The following ABTB2 variants were observed in gnomAD, a reference collection of about 807,000 sequenced individuals.
ABTB2 encodes ankyrin repeat and BTB domain containing 2.
A neutral mutation model predicts 104.1 loss-of-function variants in ABTB2; 56 were observed. The ratio of observed to expected loss-of-function variants is 0.54; its 90% confidence interval spans 0.43 to 0.67. ABTB2 has a LOEUF of 0.67. Ranked by LOEUF, ABTB2 falls within the 30% of genes least tolerant of loss-of-function variation. ABTB2 has a pLI of 0.00. For synonymous variants in ABTB2, 606 were observed against 608.2 expected (o/e 1.00, Z 0.05); for missense variants, 1,279 against 1,407.7 (o/e 0.91, Z 1.46).
At chr11:34,263,894 G>A (rs1234630316) in intron 1 of ABTB2, among the ~76,000 whole-genome samples, 1 of 152,174 alleles carries the variant, frequency 6.6e-6, no homozygotes, top group Admixed American at 6.5e-5. Context: ...GCAATTTGTG[G>A]CACGGGAGGG....
chr11:34,297,796 G>GAAAAAAAAAACCAAAT (rs1554923796), intron 1 of ABTB2, among the ~76,000 whole-genome samples: 1 of 123,072 alleles, frequency 8.1e-6, no homozygotes, highest in Non-Finnish European at 1.7e-5. Context: ...AAAAATAAAG[G>GAAAAAAAAAACCAAAT]AAAGAAAAAG....
chr11:34,279,517 G>A (rs2133085800), intron 1 of ABTB2, among the ~76,000 whole-genome samples: 1 of 152,328 alleles, frequency 6.6e-6, no homozygotes, highest in Admixed American at 6.5e-5. Flanking sequence ...TAGGGGCAAA[G>A]CCAGAATCTG....
chr11:34,159,656 G>A (rs1460075879), intron 13 of ABTB2, among the ~76,000 whole-genome samples: 1 of 152,198 alleles, frequency 6.6e-6, no homozygotes, highest in Non-Finnish European at 1.5e-5. Context: ...GGATATTTAT[G>A]TTTTCTAATA....
At chr11:34,240,354 G>C (rs1177843254) in intron 1 of ABTB2, among the ~76,000 whole-genome samples, 1 of 152,166 alleles carries the variant, frequency 6.6e-6, no homozygotes, top group South Asian at 2.1e-4. Context: ...AGGGAGTCTC[G>C]AGCGATCCAC....
At chr11:34,345,225 T>A (rs996798155) in intron 1 of ABTB2, among the ~76,000 whole-genome samples, 1 of 152,104 alleles carries the variant, frequency 6.6e-6, no homozygotes, top group African/African-American at 2.4e-5. Flanking sequence ...CCTGCTACAC[T>A]CGCCCCAGCC....
intron 3 of ABTB2, among the ~76,000 whole-genome samples, chr11:34,180,235 C>T (rs972885784): frequency 6.6e-6 from 1 of 152,198 alleles, no homozygotes; most frequent in African/African-American, 2.4e-5. Context: ...ACAGAGAAAA[C>T]AAATGCAACC....
At chr11:34,181,206 G>A (rs1853021054) in intron 3 of ABTB2, among the ~76,000 whole-genome samples, 2 of 151,856 alleles carry the variant, frequency 1.3e-5, no homozygotes. Context: ...CCCAGCCAAG[G>A]CCTTGGTTTT....
rs146982669 is a variant in ABTB2, at chr11:34,194,020, A to G, written c.1244+3305T>C. Among the ~76,000 whole-genome samples the G allele has an allele frequency of 2.4e-3, 362 of 152,312 alleles. 6 individuals carry two copies. The highest frequency in any genetic ancestry group is 0.022 in the Admixed American group (343 of 15,302). On this transcript the variant is annotated intron_variant, in intron 3 of 16. Coordinates refer to ENST00000435224, the MANE Select transcript of ABTB2 (RefSeq NM_145804.3). Reference sequence around the variant, plus strand: ...GAAGCAGCAGGTGGCTTAGCAGGGAATGCCACAGTGAGCTCCACACAAAAG... The same window carrying G: ...GAAGCAGCAGGTGGCTTAGCAGGGAGTGCCACAGTGAGCTCCACACAAAAG...
At chr11:34,161,258 A>G (rs1852717764) in intron 10 of ABTB2, among the ~76,000 whole-genome samples, 177 bp from the exon 11 acceptor site, 1 of 133,418 alleles carries the variant, frequency 7.5e-6, no homozygotes, top group Admixed American at 8.0e-5. Context: ...CAGGATGGCC[A>G]TAGAATGAAA....
intron 1 of ABTB2, among the ~76,000 whole-genome samples, chr11:34,247,334 G>C (rs901595004): frequency 6.6e-6 from 1 of 152,232 alleles, no homozygotes; most frequent in African/African-American, 2.4e-5. Flanking sequence ...TGACTTTACA[G>C]TGGTGGGAAA....
chr11:34,171,103 CTGTA>C, intron 4 of ABTB2, 32 bp from the exon 5 acceptor site: 2 of 1,605,222 alleles, frequency 1.2e-6, no homozygotes, highest in Middle Eastern at 1.7e-4. Context: ...GTGCGTGTGA[CTGTA>C]TGCAGACAGC....
At chr11:34,350,256 T>A (rs183703059) in intron 1 of ABTB2, among the ~76,000 whole-genome samples, 127 of 152,132 alleles carry the variant, frequency 8.3e-4, no homozygotes, top group African/African-American at 2.6e-3. Flanking sequence ...GCCCCCTTCA[T>A]ACAGGCTCTT....
intron 1 of ABTB2, among the ~76,000 whole-genome samples, chr11:34,242,748 C>T (rs896442993): frequency 4.6e-5 from 7 of 152,142 alleles, no homozygotes; most frequent in African/African-American, 1.7e-4. Context: ...AGGATGATGT[C>T]TCCTGGGCAC....
At chr11:34,165,470 A>T in intron 7 of ABTB2, 114 bp from the exon 8 acceptor site, 2 of 765,466 alleles carry the variant, frequency 2.6e-6, no homozygotes, top group Non-Finnish European at 4.2e-6. Context: ...TGTGACCAAG[A>T]CACAGTTCAC....
chr11:34,293,627 G>A (rs560514256), intron 1 of ABTB2, among the ~76,000 whole-genome samples: 1 of 148,740 alleles, frequency 6.7e-6, no homozygotes, highest in Non-Finnish European at 1.5e-5. Flanking sequence ...ATGCTGCTGA[G>A]ATACCCTTCC....
chr11:34,198,276 A>G (rs1210961961), intron 2 of ABTB2, among the ~76,000 whole-genome samples: 1 of 152,030 alleles, frequency 6.6e-6, no homozygotes, highest in Non-Finnish European at 1.5e-5. Context: ...AATACAAAAA[A>G]TAGTCAGGGA....
intron 1 of ABTB2, among the ~76,000 whole-genome samples, chr11:34,247,194 C>T (rs990337): frequency 0.38 from 57,816 of 152,062 alleles, 11,505 homozygotes; most frequent in East Asian, 0.64. Flanking sequence ...TGGTGTGCAG[C>T]TGTCTTGGCC....
At chr11:34,199,682 G>A (rs918734392) in intron 2 of ABTB2, among the ~76,000 whole-genome samples, 13 of 152,126 alleles carry the variant, frequency 8.5e-5, no homozygotes, top group African/African-American at 2.9e-4. Flanking sequence ...CACCCCTGGC[G>A]ATTCCTTACA....
chr11:34,283,356 C>A (rs1481732895), intron 1 of ABTB2, among the ~76,000 whole-genome samples: 1 of 152,022 alleles, frequency 6.6e-6, no homozygotes, highest in South Asian at 2.1e-4. Context: ...GCTGGGATTA[C>A]AGGCACGTGC....
Sources: gnomAD v4.1 joint callset for allele counts (sites outside exome capture counted in the v4.1 genomes callset) on GRCh38, gnomAD v4.1.1 for gene constraint, MANE v1.5 for transcripts, NCBI Gene and HGNC (gene_info 2026-07-23, HGNC 2026-07-21) for gene names.